The following SUGT1 variants were observed in gnomAD, a reference collection of about 807,000 sequenced individuals.
SUGT1 encodes protein SGT1 homolog.
SUGT1 carries 15 observed loss-of-function variants against 56.1 expected under a neutral mutation model. The ratio of observed to expected loss-of-function variants is 0.27; its 90% confidence interval spans 0.18 to 0.41. The LOEUF (loss-of-function observed/expected upper bound fraction) is 0.41. Ranked by LOEUF, SUGT1 falls within the 10% of genes least tolerant of loss-of-function variation. The probability of loss-of-function intolerance (pLI) is 1.00; values close to 1 mark genes in which losing one functional copy is unlikely to be tolerated. For synonymous variants in SUGT1, 123 were observed against 128.6 expected (o/e 0.96, Z 0.30); for missense variants, 347 against 382.2 (o/e 0.91, Z 0.77).
rs1458630548 is a variant in SUGT1 at position 52,657,487 on chromosome 13, C to T, written c.97-45C>T. Reference sequence around the variant, plus strand: ...TTATGTTTTAATTAGAATTTGATGGCTTCTTACAAACTTTTACTGACGCTC... The same window carrying T: ...TTATGTTTTAATTAGAATTTGATGGTTTCTTACAAACTTTTACTGACGCTC... On this transcript the variant is annotated intron_variant, in intron 2 of 12. Coordinates refer to ENST00000310528, the MANE Select transcript of SUGT1 (RefSeq NM_006704.5). The T allele has an allele frequency of 4.0e-6, 6 of 1,518,814 alleles. No individual in the cohort carries two copies. The East Asian group carries it at 1.4e-4, about 34-fold the overall frequency. The allele number at this position is 1,518,814 out of a possible 1,614,324, so 94.1% of individuals were successfully genotyped here.
At position 52,657,411 on chromosome 13, in the gene SUGT1, G is replaced by A. The variant is rs181040931; in HGVS notation, c.97-121G>A. ...AAGGAAAAACTCCAATATTATATCC[G>A]TGTTATCTTTCCTCCAAATAGCTTC... On this transcript the variant is annotated intron_variant, in intron 2 of 12. Transcript: ENST00000310528. 3.4e-4 allele frequency: 282 copies of A among 838,684 alleles called. 1 individual carries two copies. In the African/African-American group the frequency reaches 4.2e-3, roughly 13 times the overall value. The allele number at this position is 838,684 out of a possible 1,614,324, so 52.0% of individuals were successfully genotyped here. A position where few individuals can be genotyped will look rare whatever the true frequency, so the allele number is the denominator to read the frequency against.
chr13:52,684,670 C>T (rs1438831533), intron 12 of SUGT1, among the ~76,000 whole-genome samples: 1 of 151,964 alleles, frequency 6.6e-6, no homozygotes, highest in East Asian at 1.9e-4. Context: ...GGATCACAGG[C>T]ATGCGCCACC....
In SUGT1 at chr13:52,695,639, G is replaced by T. The variant is rs1963907574; in HGVS notation, c.*7804G>T. The T allele has an allele frequency of 6.6e-6, 1 of 152,140 alleles. No homozygotes were observed. Among genetic ancestry groups the T allele is most frequent in the Admixed American group, 6.5e-5 (1 of 15,280 alleles). 9.4% of individuals were successfully genotyped at this position (152,140 alleles called of 1,614,324 possible). A position where few individuals can be genotyped will look rare whatever the true frequency, so the allele number is the denominator to read the frequency against. ...AGTCTGGCATTTACCTGCTATTCAA[G>T]AGTTTTCAGAATTCAACCCCAGCCA... On this transcript the variant is annotated 3_prime_UTR_variant, in exon 13 of 13. Coordinates refer to ENST00000310528, the MANE Select transcript of SUGT1 (RefSeq NM_006704.5).
chr13:52,657,546 T>A lies in SUGT1; in HGVS notation c.111T>A (p.Ala37=). The A allele has an allele frequency of 6.2e-7, 1 of 1,613,672 alleles. No homozygotes were observed. The highest frequency in any genetic ancestry group is 8.5e-7 in the Non-Finnish European group (1 of 1,179,770). The change falls in exon 3 of 13, where the codon GCT becomes GCA. Residue 37 remains alanine, a synonymous_variant. Coordinates refer to ENST00000310528, the MANE Select transcript of SUGT1 (RefSeq NM_006704.5). The part of the protein sequence containing the change: ...PQAALEELTK[A]LEQKPDDAQY... ...TGTTTTTGTAGGAGCTGACTAAGGC[T>A]TTGGAACAGAAACCAGATGATGCAC...
At chr13:52,662,211 A>G (rs1046883929) in intron 5 of SUGT1, among the ~76,000 whole-genome samples, 3 of 152,286 alleles carry the variant, frequency 2.0e-5, no homozygotes, top group Admixed American at 1.3e-4. Context: ...AGGTATCTGC[A>G]TTGAAGAGCA....
intron 4 of SUGT1, 46 bp from the exon 5 acceptor site, chr13:52,659,133 C>A: frequency 7.0e-7 from 1 of 1,432,894 alleles, no homozygotes; most frequent in Non-Finnish European, 9.3e-7. Context: ...AAGGTATTTT[C>A]CAGATTTTTT....
intron 10 of SUGT1, among the ~76,000 whole-genome samples, chr13:52,671,668 G>A (rs544673867): frequency 2.6e-5 from 4 of 152,240 alleles, no homozygotes; most frequent in Non-Finnish European, 5.9e-5. Flanking sequence ...TTTGCCAGAC[G>A]TGGTTCTTTA....
chr13:52,653,026 A>C lies in SUGT1; in HGVS notation c.39-20A>C, dbSNP rs774051774. 4 of 1,614,080 alleles carry C rather than the reference A, an allele frequency of 2.5e-6. No homozygotes were observed. Among genetic ancestry groups the C allele is most frequent in the Non-Finnish European group, 3.4e-6 (4 of 1,179,990 alleles). ...TTCCTTGGCTAGTGAGCCCTGCTGA[A>C]GTCGTTGTTTTCCTGACAGGTTTTT... On this transcript the variant is annotated intron_variant, in intron 1 of 12. Coordinates refer to ENST00000310528, the MANE Select transcript of SUGT1 (RefSeq NM_006704.5).
intron 12 of SUGT1, among the ~76,000 whole-genome samples, chr13:52,684,185 G>A (rs1486603804): frequency 6.6e-6 from 1 of 152,064 alleles, no homozygotes; most frequent in Non-Finnish European, 1.5e-5. Flanking sequence ...ACAGGAGTGA[G>A]CCCCCATGCC....
chr13:52,674,954 A>T (rs771378491), intron 10 of SUGT1, among the ~76,000 whole-genome samples: 1 of 152,154 alleles, frequency 6.6e-6, no homozygotes, highest in Non-Finnish European at 1.5e-5. Flanking sequence ...AAAAGATGCT[A>T]TTAGGATACT....
intron 8 of SUGT1, among the ~76,000 whole-genome samples, chr13:52,664,708 A>T (rs9526966): frequency 6.6e-6 from 1 of 152,140 alleles, no homozygotes; most frequent in South Asian, 2.1e-4. Context: ...CCATCTATTC[A>T]TGGTAGTTGT....
intron 9 of SUGT1, 105 bp from the exon 10 acceptor site, chr13:52,666,707 A>T: frequency 1.3e-6 from 1 of 768,946 alleles, no homozygotes; most frequent in Non-Finnish European, 2.1e-6. Context: ...TATAATGTTT[A>T]AAATAATTTG....
At chr13:52,661,017 G>T (rs973013229) in intron 5 of SUGT1, among the ~76,000 whole-genome samples, 6 of 152,020 alleles carry the variant, frequency 3.9e-5, no homozygotes, top group Non-Finnish European at 8.8e-5. Context: ...TTGCCATGTT[G>T]CCCAGGCTGG....
At chr13:52,664,446 C>T (rs1490522498) in intron 8 of SUGT1, among the ~76,000 whole-genome samples, 1 of 152,072 alleles carries the variant, frequency 6.6e-6, no homozygotes, top group Admixed American at 6.6e-5. Context: ...ATTCTGTATG[C>T]GTTGAAAGTT....
chr13:52,691,402 T>C lies in SUGT1; in HGVS notation c.*3567T>C, dbSNP rs1480084597. The C allele has an allele frequency of 6.6e-6, 1 of 152,170 alleles. No individual in the cohort carries two copies. The allele number at this position is 152,170 out of a possible 1,614,324, so 9.4% of individuals were successfully genotyped here. On this transcript the variant is annotated 3_prime_UTR_variant, in exon 13 of 13. Transcript: ENST00000310528. ...ATTTTTTGGCTCTTCTTTCCCACTTTACCTTTCTCTATTCCTTCCTCAGTT... is the reference window on the plus strand; with the variant it reads ...ATTTTTTGGCTCTTCTTTCCCACTTCACCTTTCTCTATTCCTTCCTCAGTT...
intron 12 of SUGT1, among the ~76,000 whole-genome samples, chr13:52,683,122 G>A (rs1963441911): frequency 6.6e-6 from 1 of 151,772 alleles, no homozygotes; most frequent in Non-Finnish European, 1.5e-5. Context: ...ATATTTCACT[G>A]GCTGCAACTT....
At chr13:52,668,023 G>A (rs961713827) in intron 10 of SUGT1, among the ~76,000 whole-genome samples, 2 of 151,544 alleles carry the variant, frequency 1.3e-5, no homozygotes, top group Non-Finnish European at 2.9e-5. Flanking sequence ...TGTTGCCAGG[G>A]TGGAGTGCAG....
intron 9 of SUGT1, 66 bp downstream of exon 9, chr13:52,665,799 T>TA: frequency 9.4e-7 from 1 of 1,064,142 alleles, no homozygotes; most frequent in Non-Finnish European, 1.4e-6. Context: ...TATTGCAGAA[T>TA]AATCGATAAC....
chr13:52,676,151 A>ATGAC, intron 10 of SUGT1, 79 bp from the exon 11 acceptor site: 1 of 1,126,126 alleles, frequency 8.9e-7, no homozygotes, highest in Non-Finnish European at 1.3e-6. Context: ...CAAAACTTTG[A>ATGAC]TGACTTAAGA....
Sources: allele counts gnomAD v4.1 joint callset (sites outside exome capture counted in the v4.1 genomes callset), GRCh38; gene constraint gnomAD v4.1.1; transcripts MANE v1.5; gene names NCBI Gene and HGNC (gene_info 2026-07-23, HGNC 2026-07-21).